Variants in ADCY2 observed in about 807,000 individuals in gnomAD.
ADCY2 encodes the protein adenylate cyclase type 2.
A neutral mutation model predicts 125.2 loss-of-function variants in ADCY2; 31 were observed. The ratio of observed to expected loss-of-function variants is 0.25; its 90% CI spans 0.19 to 0.33. ADCY2 has a LOEUF of 0.33. ADCY2 is among the 10% of genes least tolerant of loss of function. ADCY2 has a pLI of 1.00. For synonymous variants in ADCY2, 512 were observed against 548.4 expected (o/e 0.93, Z 0.93); for missense variants, 904 against 1,418.2 (o/e 0.64, Z 5.82).
rs557861738 is a variant in ADCY2, at chr5:7,628,245, G to A, written c.720+1929G>A. On this transcript the variant is annotated intron_variant, in intron 4 of 24. Coordinates refer to ENST00000338316, the MANE Select transcript of ADCY2 (RefSeq NM_020546.3). The stretch of plus-strand genomic sequence containing the variant: ...GGAGCAAGTTGGGCCCGACAGACAT[G>A]TTTAACTTTTTTTTCATCAGCTCTG... Among the ~76,000 whole-genome samples the A allele has an allele frequency of 5.3e-5, 8 of 152,234 alleles. 1 individual carries two copies. In the East Asian group the frequency reaches 1.5e-3, roughly 29 times the overall value.
At chr5:7,724,515 T>C (rs1172335240) in intron 12 of ADCY2, 30 bp from the exon 13 acceptor site, 2 of 1,560,314 alleles carry the variant, frequency 1.3e-6, no homozygotes, top group South Asian at 2.3e-5. Flanking sequence ...AGATTCAGTT[T>C]TATGATGTGT....
chr5:7,801,217 G>T (rs548972444), intron 20 of ADCY2: 1 of 152,322 alleles, frequency 6.6e-6, no homozygotes, highest in African/African-American at 2.4e-5. Flanking sequence ...CTCTGCAAAG[G>T]AGTTCATCTG....
In ADCY2 at chr5:7,766,683, G is replaced by T; in HGVS notation, c.2095-4G>T. ...ATTCATTGAAAAAAACCTTCTCTTT[G>T]CAGTTTTTCCTGAGTGACTCAGAGG... On this transcript the variant is annotated splice_polypyrimidine_tract_variant and splice_region_variant and intron_variant, in intron 16 of 24. Transcript: ENST00000338316. The T allele has an allele frequency of 2.5e-6, 4 of 1,608,904 alleles. No individual in the cohort carries two copies. The highest frequency in any genetic ancestry group is 3.4e-6 in the Non-Finnish European group (4 of 1,178,580).
chr5:7,411,270 G>A (rs76673082), intron 1 of ADCY2, among the ~76,000 whole-genome samples: 4,476 of 152,248 alleles, frequency 0.029, 105 homozygotes, highest in Middle Eastern at 0.054. Flanking sequence ...GTCTCAAGCC[G>A]TTGGCCGTCA....
At chr5:7,487,112 T>C (rs1446913208) in intron 2 of ADCY2, among the ~76,000 whole-genome samples, 1 of 152,212 alleles carries the variant, frequency 6.6e-6, no homozygotes, top group Non-Finnish European at 1.5e-5. Flanking sequence ...GCTATGTGTG[T>C]GATTGCTTGG....
chr5:7,401,500 A>G (rs992893895), intron 1 of ADCY2, among the ~76,000 whole-genome samples: 1 of 152,222 alleles, frequency 6.6e-6, no homozygotes, highest in African/African-American at 2.4e-5. Flanking sequence ...AACAGCCTCA[A>G]TCTTCATTCT....
At chr5:7,794,411 G>A (rs1278966595) in intron 20 of ADCY2, 8 of 152,244 alleles carry the variant, frequency 5.3e-5, no homozygotes, top group African/African-American at 1.4e-4. Flanking sequence ...ACTCCCCCAG[G>A]GGAGGTTTGC....
intron 4 of ADCY2, among the ~76,000 whole-genome samples, chr5:7,640,558 A>T (rs899244245): frequency 1.4e-4 from 21 of 152,246 alleles, no homozygotes; most frequent in Non-Finnish European, 2.8e-4. Context: ...GGAAAAATTT[A>T]AAATGTCTTT....
chr5:7,642,900 G>A (rs1012214479), intron 4 of ADCY2, among the ~76,000 whole-genome samples: 1 of 151,964 alleles, frequency 6.6e-6, no homozygotes, highest in Non-Finnish European at 1.5e-5. Context: ...AGACAAGCAG[G>A]CACTAAGGGA....
chr5:7,458,842 A>T (rs931582419), intron 2 of ADCY2, among the ~76,000 whole-genome samples: 1 of 152,308 alleles, frequency 6.6e-6, no homozygotes, highest in African/African-American at 2.4e-5. Context: ...GCCTGAAAAA[A>T]AGTGTTCTGA....
At chr5:7,784,499 T>TA in intron 19 of ADCY2, 50 bp downstream of exon 19, 2 of 1,354,802 alleles carry the variant, frequency 1.5e-6, no homozygotes, top group Non-Finnish European at 2.1e-6. Context: ...TAAAGTGCTG[T>TA]ATTAATAGTG....
intron 3 of ADCY2, among the ~76,000 whole-genome samples, chr5:7,528,408 A>T (rs1734541767): frequency 7.7e-6 from 1 of 129,178 alleles, no homozygotes; most frequent in African/African-American, 2.5e-5. Flanking sequence ...GGTAACTAAC[A>T]ATTTGACTGT....
chr5:7,630,000 T>A (rs1350020193), intron 4 of ADCY2, among the ~76,000 whole-genome samples: 1 of 152,206 alleles, frequency 6.6e-6, no homozygotes, highest in Non-Finnish European at 1.5e-5. Context: ...ATTTAACAAA[T>A]TTTTATGTGA....
chr5:7,758,796 G>A (rs1314697740), intron 16 of ADCY2, among the ~76,000 whole-genome samples: 2 of 152,188 alleles, frequency 1.3e-5, no homozygotes, highest in South Asian at 2.1e-4. Flanking sequence ...GGGCCTGGAG[G>A]AAGTGAGGGG....
At chr5:7,517,967 C>A (rs1475941649) in intron 2 of ADCY2, among the ~76,000 whole-genome samples, 2 of 152,100 alleles carry the variant, frequency 1.3e-5, no homozygotes, top group African/African-American at 2.4e-5. Context: ...TCATTTAATA[C>A]CTGTTGTGGG....
chr5:7,735,588 T>A (rs926604292), intron 14 of ADCY2, among the ~76,000 whole-genome samples: 1 of 152,208 alleles, frequency 6.6e-6, no homozygotes, highest in African/African-American at 2.4e-5. Context: ...TGATAATGTG[T>A]TTTTTCTTCT....
intron 2 of ADCY2, among the ~76,000 whole-genome samples, chr5:7,431,991 C>T (rs1451696555): frequency 6.6e-6 from 1 of 152,014 alleles, no homozygotes; most frequent in Admixed American, 6.6e-5. Flanking sequence ...GACCACCCCA[C>T]CCCTATCCTG....
rs568847997 is a variant in ADCY2 at position 7,556,328 on chromosome 5, G to A, written c.570+35429G>A. 1.4e-4 allele frequency among the ~76,000 whole-genome samples: 21 copies of A among 152,254 alleles called. No individual in the cohort carries two copies. In the East Asian group the frequency reaches 4.1e-3, roughly 29 times the overall value. ...CAGGAATAAATAAAAAATAGTTGCA[G>A]ATCTCTGGTACCATGAGACTTATGT... On this transcript the variant is annotated intron_variant, in intron 3 of 24. Coordinates refer to ENST00000338316, the MANE Select transcript of ADCY2 (RefSeq NM_020546.3).
At chr5:7,617,466 T>TTAC (rs1737805768) in intron 3 of ADCY2, among the ~76,000 whole-genome samples, 2 of 152,226 alleles carry the variant, frequency 1.3e-5, no homozygotes, top group African/African-American at 4.8e-5. Flanking sequence ...CTGTGGTATT[T>TTAC]TATTATTATT....
Sources: allele counts gnomAD v4.1 joint callset (sites outside exome capture counted in the v4.1 genomes callset), GRCh38; gene constraint gnomAD v4.1.1; transcripts MANE v1.5; gene names NCBI Gene and HGNC (gene_info 2026-07-23, HGNC 2026-07-21).